The following MKKS variants were observed in gnomAD, a reference collection of about 807,000 sequenced individuals.
The protein encoded by MKKS is MKKS centrosomal shuttling protein.
Under a neutral mutation model 33.2 loss-of-function variants are expected in MKKS, and 29 were observed. That is an observed-to-expected ratio of 0.87 (90% CI 0.65 to 1.19). The LOEUF (loss-of-function observed/expected upper bound fraction) is 1.19, where lower values mean the gene tolerates loss of function less well. MKKS is among the 50% of genes most tolerant of loss of function. MKKS has a pLI of 0.00. For missense variants in MKKS, 661 were observed against 662.3 expected, an observed-to-expected ratio of 1.00 and a Z score of 0.02; for synonymous variants, 260 against 244.0, an observed-to-expected ratio of 1.07 and a Z score of -0.61.
chr20:10,414,158 T>C (rs2064919313), intron 2 of MKKS, among the ~76,000 whole-genome samples: 1 of 152,016 alleles, frequency 6.6e-6, no homozygotes. Context: ...AGTGATTCTG[T>C]AAGGCACAAC....
Position 10,412,950 on chromosome 20 carries a change from T to A in MKKS, c.565A>T (p.Asn189Tyr). 1 of 1,613,894 alleles carries A rather than the reference T, an allele frequency of 6.2e-7. No homozygotes were observed. The highest frequency in any genetic ancestry group is 1.1e-5 in the South Asian group (1 of 91,046). ...LRAFLLTIPENAEGHIILGKS... is the reference protein window; with the variant it reads ...LRAFLLTIPEYAEGHIILGKS... The stretch of plus-strand genomic sequence containing the variant: ...CCTAAAATGATGTGGCCTTCAGCAT[T>A]TTCTGGAATTGTAAGCAAAAAGGCT... Residue 189 changes from asparagine to tyrosine, a missense_variant, in exon 3 of 6, where the codon AAT becomes TAT. Asn to Tyr is a moderately radical substitution (Grantham distance 143, BLOSUM62 -2). Coordinates refer to ENST00000347364, the MANE Select transcript of MKKS (RefSeq NM_170784.3).
In MKKS at chr20:10,408,142, C is replaced by G. The variant is rs79853188; in HGVS notation, c.1162-416G>C. 8.6e-3 allele frequency among the ~76,000 whole-genome samples: 1,316 copies of G among 152,266 alleles called. 24 individuals are homozygous for G. The highest frequency in any genetic ancestry group is 0.03 in the African/African-American group (1,249 of 41,544). ...CAGCAATAATAAATAAAAAATCACA[C>G]AGACCTTTAACATTTACTAAGGATA... On this transcript the variant is annotated intron_variant, in intron 4 of 5. Coordinates refer to ENST00000347364, the MANE Select transcript of MKKS (RefSeq NM_170784.3).
rs774340585 is a variant in MKKS at position 10,413,439 on chromosome 20, G to C, written c.76C>G (p.Leu26Val). The C allele has an allele frequency of 6.2e-7, 1 of 1,613,788 alleles. No individual in the cohort carries two copies. Among genetic ancestry groups the C allele is most frequent in the Admixed American group, 1.7e-5 (1 of 60,014 alleles). The change falls in exon 3 of 6, where the codon CTT (leucine) becomes GTT (valine). Residue 26 changes from leucine to valine, a missense_variant. Coordinates refer to ENST00000347364, the MANE Select transcript of MKKS (RefSeq NM_170784.3). ...PLTTERVRTT[L>V]SVLKRIVTSC... ...GTTACAATTCTTTTCAAGACAGAAA[G>C]TGTGGTCCTGACTCTCTCAGTTGTC...
chr20:10,424,154 A>T (rs2064999027), intron 1 of MKKS, among the ~76,000 whole-genome samples: 1 of 152,194 alleles, frequency 6.6e-6, no homozygotes, highest in Admixed American at 6.5e-5. Context: ...CTGTACATAT[A>T]ATAGTCCCTT....
At chr20:10,415,281 T>C (rs1479200138) in intron 2 of MKKS, among the ~76,000 whole-genome samples, 4 of 152,156 alleles carry the variant, frequency 2.6e-5, no homozygotes, top group Admixed American at 2.6e-4. Flanking sequence ...TTAGCATAAA[T>C]GAAACAAATC....
intron 1 of MKKS, among the ~76,000 whole-genome samples, chr20:10,423,002 C>A (rs755483915): frequency 6.6e-6 from 1 of 152,084 alleles, no homozygotes. Context: ...TGAGCCACTG[C>A]GCCCGGCCCT....
At chr20:10,410,740 C>T (rs2064878444) in intron 3 of MKKS, among the ~76,000 whole-genome samples, 1 of 152,124 alleles carries the variant, frequency 6.6e-6, no homozygotes, top group Non-Finnish European at 1.5e-5. Flanking sequence ...TGTTTGAAGG[C>T]CTGAAATGAG....
At chr20:10,422,713 CTT>C (rs59532941) in intron 1 of MKKS, among the ~76,000 whole-genome samples, 15 of 143,374 alleles carry the variant, frequency 1.0e-4, no homozygotes, top group Admixed American at 2.1e-4. Context: ...GTTATATTAT[CTT>C]TTTTTTTTTT....
At chr20:10,423,042 C>T (rs1219207316) in intron 1 of MKKS, among the ~76,000 whole-genome samples, 1 of 152,048 alleles carries the variant, frequency 6.6e-6, no homozygotes, top group East Asian at 1.9e-4. Context: ...AGAGCCATTT[C>T]TGCCATTCAC....
intron 1 of MKKS, among the ~76,000 whole-genome samples, chr20:10,427,925 A>C (rs1418704695): frequency 6.6e-6 from 1 of 152,252 alleles, no homozygotes; most frequent in Non-Finnish European, 1.5e-5. Context: ...TGGGCTGCTA[A>C]CAGCGTAACT....
chr20:10,414,284 A>C (rs1186593955), intron 2 of MKKS, among the ~76,000 whole-genome samples: 1 of 97,960 alleles, frequency 1.0e-5, no homozygotes, highest in African/African-American at 4.7e-5. Context: ...TTTTTTTTTG[A>C]GATGGAGTTT....
At chr20:10,424,331 G>T (rs1238858254) in intron 1 of MKKS, among the ~76,000 whole-genome samples, 1 of 152,004 alleles carries the variant, frequency 6.6e-6, no homozygotes, top group African/African-American at 2.4e-5. Context: ...TCAGGCAGGG[G>T]GACTGCTTGA....
chr20:10,405,771 T>A, intron 5 of MKKS, 84 bp from the exon 6 acceptor site: 1 of 1,244,688 alleles, frequency 8.0e-7, no homozygotes, highest in Non-Finnish European at 1.1e-6. Context: ...GAAATCAAAA[T>A]CTTATTCCTA....
chr20:10,408,560 A>G (rs1000098113), intron 4 of MKKS, 68 bp downstream of exon 4: 3 of 1,542,340 alleles, frequency 1.9e-6, no homozygotes, highest in Non-Finnish European at 2.7e-6. Context: ...AAAAAAAATC[A>G]TAATAACTAT....
chr20:10,412,142 A>T (rs1450354843), intron 3 of MKKS, among the ~76,000 whole-genome samples: 1 of 152,234 alleles, frequency 6.6e-6, no homozygotes, highest in African/African-American at 2.4e-5. Flanking sequence ...AAGTGAAGAA[A>T]AAGGGTCATT....
chr20:10,411,639 G>A (rs752384923), intron 3 of MKKS, among the ~76,000 whole-genome samples: 5 of 151,582 alleles, frequency 3.3e-5, no homozygotes, highest in African/African-American at 1.2e-4. Context: ...TCAACACTTG[G>A]CATACATATG....
chr20:10,407,021 T>C (rs2064848301), intron 5 of MKKS, among the ~76,000 whole-genome samples: 1 of 152,212 alleles, frequency 6.6e-6, no homozygotes, highest in Non-Finnish European at 1.5e-5. Context: ...ACTAAACTTA[T>C]CTGAGAGCTG....
intron 3 of MKKS, among the ~76,000 whole-genome samples, 197 bp from the exon 4 acceptor site, chr20:10,409,000 T>C (rs531450380): frequency 6.6e-6 from 1 of 152,320 alleles, no homozygotes; most frequent in East Asian, 1.9e-4. Context: ...ACAAATAAAG[T>C]AAAGTAGAAG....
At position 10,402,241 on chromosome 20, in the gene MKKS, T is replaced by C. The variant is rs1015216901; in HGVS notation, c.*3006A>G. The C allele has an allele frequency of 1.3e-5, 2 of 152,356 alleles. No homozygotes were observed. Among genetic ancestry groups the C allele is most frequent in the South Asian group, 2.1e-4 (1 of 4,828 alleles). The allele number at this position is 152,356 out of a possible 1,614,324, so 9.4% of individuals were successfully genotyped here. On this transcript the variant is annotated 3_prime_UTR_variant, in exon 6 of 6. Coordinates refer to ENST00000347364, the MANE Select transcript of MKKS (RefSeq NM_170784.3). ...CAATATTCAGACCTCAATCTTACTT[T>C]AAGTCACAAAACACTGCCTGAGGCT...
Sources: gnomAD v4.1 joint callset for allele counts (sites outside exome capture counted in the v4.1 genomes callset) on GRCh38, gnomAD v4.1.1 for gene constraint, MANE v1.5 for transcripts, NCBI Gene and HGNC (gene_info 2026-07-23, HGNC 2026-07-21) for gene names.